Variants in PDE7B observed in about 807,000 individuals in gnomAD.
PDE7B encodes the protein 3',5'-cyclic-AMP phosphodiesterase 7B.
In PDE7B, 29 loss-of-function variants were observed where a neutral mutation model predicts 56.2. The ratio of observed to expected loss-of-function variants is 0.52; its 90% CI spans 0.38 to 0.70. The LOEUF is 0.70. Ranked by LOEUF, PDE7B falls within the 30% of genes least tolerant of loss-of-function variation. The pLI is 0.00. For missense variants in PDE7B, 490 were observed against 565.0 expected (o/e 0.87, Z 1.35); for synonymous variants, 197 against 196.9 (o/e 1.00, Z 0.00).
chr6:135,886,584 T>C (rs567961244), intron 1 of PDE7B, among the ~76,000 whole-genome samples: 1 of 152,232 alleles, frequency 6.6e-6, no homozygotes, highest in Non-Finnish European at 1.5e-5. Flanking sequence ...TGTGTCCTCA[T>C]AGCTTAGCTC....
At chr6:136,032,674 T>A (rs1007475478) in intron 2 of PDE7B, among the ~76,000 whole-genome samples, 1 of 152,210 alleles carries the variant, frequency 6.6e-6, no homozygotes, top group African/African-American at 2.4e-5. Flanking sequence ...TTGAAGGGCT[T>A]GACTTTCCAG....
chr6:136,137,030 T>C (rs1778223749), intron 3 of PDE7B, among the ~76,000 whole-genome samples: 1 of 152,096 alleles, frequency 6.6e-6, no homozygotes, highest in Non-Finnish European at 1.5e-5. Flanking sequence ...GAAAGGCTGA[T>C]TAAATGGTTT....
At chr6:135,892,028 A>C (rs1583744508) in intron 1 of PDE7B, among the ~76,000 whole-genome samples, 1 of 152,258 alleles carries the variant, frequency 6.6e-6, no homozygotes, top group East Asian at 1.9e-4. Context: ...TTATATCCAT[A>C]TGGATTTGAA....
intron 2 of PDE7B, among the ~76,000 whole-genome samples, chr6:136,001,084 A>G (rs1775661101): frequency 1.3e-5 from 2 of 152,258 alleles, no homozygotes; most frequent in South Asian, 4.1e-4. Context: ...ATATCCAGGC[A>G]AACAGAGTCT....
At chr6:135,974,934 G>A (rs1367206791) in intron 2 of PDE7B, among the ~76,000 whole-genome samples, 1 of 152,082 alleles carries the variant, frequency 6.6e-6, no homozygotes, top group African/African-American at 2.4e-5. Context: ...AGCTTCTTCT[G>A]GAGATCACAC....
At chr6:135,913,065 T>C (rs1776239577) in intron 1 of PDE7B, among the ~76,000 whole-genome samples, 1 of 152,210 alleles carries the variant, frequency 6.6e-6, no homozygotes, top group South Asian at 2.1e-4. Flanking sequence ...GCATTGATAA[T>C]AATGACAAAC....
intron 2 of PDE7B, among the ~76,000 whole-genome samples, chr6:136,087,566 G>T (rs1270116056): frequency 2.6e-5 from 4 of 152,064 alleles, no homozygotes; most frequent in African/African-American, 9.7e-5. Context: ...TTTCACTTTG[G>T]CTTTCTATAA....
intron 1 of PDE7B, among the ~76,000 whole-genome samples, chr6:135,894,097 T>C (rs1422566116): frequency 6.6e-6 from 1 of 152,146 alleles, no homozygotes; most frequent in Non-Finnish European, 1.5e-5. Flanking sequence ...AAACCTACCA[T>C]AAAAGTTTTA....
At chr6:136,067,621 G>T (rs1335943215) in intron 2 of PDE7B, among the ~76,000 whole-genome samples, 1 of 152,028 alleles carries the variant, frequency 6.6e-6, no homozygotes, top group East Asian at 1.9e-4. Flanking sequence ...AACTTTTTTG[G>T]TTTGCTTTGG....
chr6:135,990,914 AT>A lies in PDE7B; in HGVS notation c.82+43395del, dbSNP rs1444955691. On this transcript the variant is annotated intron_variant, in intron 2 of 12. Coordinates refer to ENST00000308191, the MANE Select transcript of PDE7B (RefSeq NM_018945.4). The stretch of plus-strand genomic sequence containing the variant: ...CAGCCCTGAAGGCTGCTAGTTGCCC[AT>A]TTTTATGGTTATCTCTTAATTATAT... Among the ~76,000 whole-genome samples, 15 of 152,230 alleles carry A rather than the reference AT, an allele frequency of 9.9e-5. No individual in the cohort carries two copies. The South Asian group carries it at 2.9e-3, about 29-fold the overall frequency.
chr6:135,979,146 T>A (rs1210779099), intron 2 of PDE7B, among the ~76,000 whole-genome samples: 1 of 152,028 alleles, frequency 6.6e-6, no homozygotes, highest in Non-Finnish European at 1.5e-5. Flanking sequence ...ATGTGGTTTT[T>A]GTCTTTGGTT....
At chr6:135,924,734 A>C (rs1336594202) in intron 1 of PDE7B, among the ~76,000 whole-genome samples, 2 of 149,966 alleles carry the variant, frequency 1.3e-5, no homozygotes, top group Admixed American at 6.7e-5. Context: ...GAAAGAGATC[A>C]AAGTATTATA....
intron 2 of PDE7B, among the ~76,000 whole-genome samples, chr6:135,955,469 T>C (rs1252765611): frequency 6.6e-6 from 1 of 152,078 alleles, no homozygotes; most frequent in Non-Finnish European, 1.5e-5. Flanking sequence ...TTAAAAACTG[T>C]AAGAAAGTCT....
chr6:135,969,705 G>A (rs868732426), intron 2 of PDE7B, among the ~76,000 whole-genome samples: 6 of 152,130 alleles, frequency 3.9e-5, no homozygotes, highest in Admixed American at 2.6e-4. Flanking sequence ...TCAGGACATA[G>A]GTACAGGCAA....
At chr6:135,886,565 T>A (rs1775713165) in intron 1 of PDE7B, among the ~76,000 whole-genome samples, 2 of 152,020 alleles carry the variant, frequency 1.3e-5, no homozygotes, top group Non-Finnish European at 2.9e-5. Flanking sequence ...AACATCACAC[T>A]TATGTCTTTG....
intron 2 of PDE7B, among the ~76,000 whole-genome samples, chr6:136,105,776 GC>G (rs1562494285): frequency 6.6e-6 from 1 of 152,094 alleles, no homozygotes; most frequent in Non-Finnish European, 1.5e-5. Flanking sequence ...CCAGTGTATT[GC>G]CCTCCCTTCA....
intron 2 of PDE7B, among the ~76,000 whole-genome samples, chr6:136,100,993 A>G (rs953709113): frequency 2.6e-5 from 4 of 152,190 alleles, no homozygotes; most frequent in African/African-American, 9.6e-5. Context: ...AATTTTGTCT[A>G]AGGCCTTTTC....
At chr6:136,033,226 C>T (rs1269761002) in intron 2 of PDE7B, among the ~76,000 whole-genome samples, 1 of 152,206 alleles carries the variant, frequency 6.6e-6, no homozygotes, top group Admixed American at 6.5e-5. Context: ...AGTCTTCCTG[C>T]CATGTTGTTC....
chr6:136,025,416 T>A (rs1190632276), intron 2 of PDE7B, among the ~76,000 whole-genome samples: 2 of 152,202 alleles, frequency 1.3e-5, no homozygotes, highest in East Asian at 3.8e-4. Flanking sequence ...GTCAAAGATT[T>A]AGAGTATCTA....
Sources: gnomAD v4.1 joint callset for allele counts (sites outside exome capture counted in the v4.1 genomes callset) on GRCh38, gnomAD v4.1.1 for gene constraint, MANE v1.5 for transcripts, NCBI Gene and HGNC (gene_info 2026-07-23, HGNC 2026-07-21) for gene names.